TMPRSS5: variants seen among roughly 807,000 people sequenced by gnomAD.
TMPRSS5 encodes transmembrane protease serine 5.
A neutral mutation model predicts 59.7 loss-of-function variants in TMPRSS5; 45 were observed. The observed-to-expected ratio is 0.75, with a 90% CI of 0.59 to 0.97. The LOEUF is 0.97. TMPRSS5 is among the 50% of genes least tolerant of loss of function. The pLI is 0.00. For synonymous variants in TMPRSS5, 225 were observed against 232.0 expected (o/e 0.97, Z 0.27); for missense variants, 585 against 596.7 (o/e 0.98, Z 0.20).
intron 11 of TMPRSS5, 67 bp downstream of exon 11, chr11:113,690,164 A>AGCAGGC: frequency 6.8e-7 from 1 of 1,472,052 alleles, no homozygotes. Flanking sequence ...GCCAAGTCAC[A>AGCAGGC]GCAGGCCCCC....
chr11:113,698,708 C>T, intron 4 of TMPRSS5, 197 bp downstream of exon 4: 1 of 636,120 alleles, frequency 1.6e-6, no homozygotes, highest in Non-Finnish European at 2.7e-6. Flanking sequence ...GAGATCAGGA[C>T]AGTCCTCAGG....
chr11:113,690,533 C>T (rs1952745206), intron 10 of TMPRSS5, among the ~76,000 whole-genome samples, 160 bp from the exon 11 acceptor site: 3 of 152,030 alleles, frequency 2.0e-5, no homozygotes, highest in South Asian at 2.1e-4. Context: ...AGTAGGCTAT[C>T]GGACTTGGGG....
chr11:113,691,975 C>A (rs1952795878), intron 9 of TMPRSS5, among the ~76,000 whole-genome samples: 1 of 143,210 alleles, frequency 7.0e-6, no homozygotes, highest in African/African-American at 2.6e-5. Flanking sequence ...GCAATCTCTG[C>A]CTCCCAGGTT....
chr11:113,701,806 T>C (rs1953145462), intron 1 of TMPRSS5, among the ~76,000 whole-genome samples: 1 of 152,140 alleles, frequency 6.6e-6, no homozygotes, highest in Non-Finnish European at 1.5e-5. Flanking sequence ...TTTATTTTAC[T>C]TTAACTTCCA....
At chr11:113,688,615 GC>G (rs1168530042) in intron 12 of TMPRSS5, among the ~76,000 whole-genome samples, 2 of 152,182 alleles carry the variant, frequency 1.3e-5, no homozygotes, top group Non-Finnish European at 2.9e-5. Flanking sequence ...CTGTCGCCCA[GC>G]CTGGAGTGCA....
rs374718702 is a variant in TMPRSS5 at position 113,699,664 on chromosome 11, G to T, written c.136C>A (p.Arg46=). Residue 46 remains arginine (R), a synonymous_variant, in exon 3 of 13, where the codon CGA becomes AGA. Coordinates refer to ENST00000299882, the MANE Select transcript of TMPRSS5 (RefSeq NM_030770.4). ...GCTCCCAGCACTGCACAGCCACGTC[G>T]CATGGAACGCCAGCACACTGCCTGA... ...ISQAVCWRSM[R]RGCAVLGALG... 7 of 1,582,480 alleles carry T rather than the reference G, an allele frequency of 4.4e-6. No homozygotes were observed. The highest frequency in any genetic ancestry group is 5.2e-6 in the Non-Finnish European group (6 of 1,164,794).
At chr11:113,698,821 C>A in intron 4 of TMPRSS5, 84 bp downstream of exon 4, 1 of 1,480,004 alleles carries the variant, frequency 6.8e-7, no homozygotes, top group East Asian at 2.5e-5. Flanking sequence ...GAACAGATGG[C>A]CCTTCAGTGT....
At chr11:113,699,255 CT>C (rs1276366397) in intron 3 of TMPRSS5, among the ~76,000 whole-genome samples, 3,504 of 82,856 alleles carry the variant, frequency 0.042, 315 homozygotes, top group East Asian at 0.066. Context: ...CTCTCTCTCT[CT>C]CTCTCTCTCT....
chr11:113,694,999 C>G (rs1251761182), intron 7 of TMPRSS5, among the ~76,000 whole-genome samples: 1 of 152,154 alleles, frequency 6.6e-6, no homozygotes, highest in Non-Finnish European at 1.5e-5. Flanking sequence ...GAAAGGAACT[C>G]CACAGATTGC....
At chr11:113,704,359 GTC>G (rs1174090411) in intron 1 of TMPRSS5, among the ~76,000 whole-genome samples, 2 of 152,098 alleles carry the variant, frequency 1.3e-5, no homozygotes, top group African/African-American at 4.8e-5. Context: ...CGAGTATCTT[GTC>G]TCTCTCTGTT....
chr11:113,699,254 T>C (rs996842200), intron 3 of TMPRSS5, among the ~76,000 whole-genome samples: 527 of 47,308 alleles, frequency 0.011, 13 homozygotes, highest in Non-Finnish European at 0.015. Context: ...TCTCTCTCTC[T>C]CTCTCTCTCT....
At chr11:113,693,655 G>C (rs1262787762) in intron 8 of TMPRSS5, 1 of 163,206 alleles carries the variant, frequency 6.1e-6, no homozygotes, top group Non-Finnish European at 1.3e-5. Context: ...GGTAAAATGG[G>C]GATTACACTC....
chr11:113,689,139 C>T (rs1952685662), intron 12 of TMPRSS5, among the ~76,000 whole-genome samples: 1 of 152,122 alleles, frequency 6.6e-6, no homozygotes, highest in South Asian at 2.1e-4. Flanking sequence ...TGGTGGATCA[C>T]CTGAGCTCAG....
chr11:113,700,798 T>G (rs1470250515), intron 1 of TMPRSS5, among the ~76,000 whole-genome samples: 1 of 152,248 alleles, frequency 6.6e-6, no homozygotes, highest in African/African-American at 2.4e-5. Context: ...ATGGTTTAGC[T>G]GTGTCCCCAC....
At chr11:113,691,375 G>C (rs142402992) in intron 9 of TMPRSS5, among the ~76,000 whole-genome samples, 1 of 152,160 alleles carries the variant, frequency 6.6e-6, no homozygotes, top group Non-Finnish European at 1.5e-5. Context: ...TGGGGAGAAC[G>C]CCATGTCCTT....
Position 113,688,045 on chromosome 11 carries a change from A to T in TMPRSS5, c.*215T>A. 1 of 618,882 alleles carries T rather than the reference A, an allele frequency of 1.6e-6. No individual in the cohort carries two copies. Among genetic ancestry groups the T allele is most frequent in the Non-Finnish European group, 2.4e-6 (1 of 412,878 alleles). The allele number at this position is 618,882 out of a possible 1,614,324, so 38.3% of individuals were successfully genotyped here. ...GCCTCTCTTCTGTCATTGAGTCTCTAGTGAGAAAGAGGACTCTGAAATCAG... is the reference window on the plus strand; with the variant it reads ...GCCTCTCTTCTGTCATTGAGTCTCTTGTGAGAAAGAGGACTCTGAAATCAG... On this transcript the variant is annotated 3_prime_UTR_variant, in exon 13 of 13. Coordinates refer to ENST00000299882, the MANE Select transcript of TMPRSS5 (RefSeq NM_030770.4).
At chr11:113,693,619 G>C (rs542902504) in intron 8 of TMPRSS5, 64 of 170,028 alleles carry the variant, frequency 3.8e-4, no homozygotes, top group African/African-American at 1.4e-3. Flanking sequence ...GTGATCATGG[G>C]AGAGGCACTT....
chr11:113,705,002 C>A (rs1953252075), intron 1 of TMPRSS5, among the ~76,000 whole-genome samples: 1 of 152,134 alleles, frequency 6.6e-6, no homozygotes, highest in Admixed American at 6.5e-5. Context: ...TACACCTAAG[C>A]TGTGGATCCT....
rs774663137 is a variant in TMPRSS5, at chr11:113,695,431, A to G, written c.591T>C (p.Thr197=). 1 of 1,613,974 alleles carries G rather than the reference A, an allele frequency of 6.2e-7. No individual in the cohort carries two copies. The highest frequency in any genetic ancestry group is 1.1e-5 in the South Asian group (1 of 91,060). Residue 197 remains threonine (T), a synonymous_variant, in exon 7 of 13, where the codon ACT becomes ACC. Transcript: ENST00000299882. ...ATCTGAGGGAAACAACTTGACCAGA[A>G]GTGCAGTTGTTCCTGCAAAACAGAG... The part of the protein sequence containing the change: ...EEAWQPRNNC[T]SGQVVSLRCS...
Sources: gnomAD v4.1 joint callset for allele counts (sites outside exome capture counted in the v4.1 genomes callset) on GRCh38, gnomAD v4.1.1 for gene constraint, MANE v1.5 for transcripts, NCBI Gene and HGNC (gene_info 2026-07-23, HGNC 2026-07-21) for gene names.